Variants in FGD4 observed in about 807,000 individuals in gnomAD.
FGD4 encodes FYVE, RhoGEF and PH domain containing 4.
A neutral mutation model predicts 102.0 loss-of-function variants in FGD4; 42 were observed. The observed-to-expected ratio is 0.41, with a 90% CI of 0.32 to 0.53. FGD4 has a LOEUF of 0.53. Ranked by LOEUF, FGD4 falls within the 20% of genes least tolerant of loss-of-function variation. The pLI is 0.21. For missense variants in FGD4, 902 were observed against 1,078.2 expected, an observed-to-expected ratio of 0.84 and a Z score of 2.29; for synonymous variants, 380 against 375.7, an observed-to-expected ratio of 1.01 and a Z score of -0.13.
rs1408956780 is a variant in FGD4, at chr12:32,564,307, T to G, written c.319+18T>G. On this transcript the variant is annotated intron_variant, in intron 2 of 16. Coordinates refer to ENST00000534526, the MANE Select transcript of FGD4 (RefSeq NM_001370298.3). ...GCCACAAGGTATGCTCACTGGGAGT[T>G]TGTGTTCGGGGTGGGTACGTTGTTG... 6.5e-7 allele frequency: 1 copy of G among 1,534,398 alleles called. No homozygotes were observed. Among genetic ancestry groups the G allele is most frequent in the Non-Finnish European group, 8.7e-7 (1 of 1,146,232 alleles).
chr12:32,448,644 A>G (rs117463094), intron 1 of FGD4, among the ~76,000 whole-genome samples: 5,626 of 150,894 alleles, frequency 0.037, 162 homozygotes, highest in South Asian at 0.12. Context: ...GCAACAAATA[A>G]TGAAACTCCA....
chr12:32,505,481 G>C (rs778707242), intron 1 of FGD4, among the ~76,000 whole-genome samples: 1 of 152,164 alleles, frequency 6.6e-6, no homozygotes, highest in Non-Finnish European at 1.5e-5. Context: ...AGTTGTCATC[G>C]TCTTCTGTTT....
chr12:32,440,009 A>G, intron 1 of FGD4, among the ~76,000 whole-genome samples: 1 of 151,942 alleles, frequency 6.6e-6, no homozygotes, highest in East Asian at 1.9e-4. Flanking sequence ...AATTATTTCA[A>G]TCTCCGTTAA....
At chr12:32,449,737 ATTTCT>A (rs966996073) in intron 1 of FGD4, among the ~76,000 whole-genome samples, 1 of 151,474 alleles carries the variant, frequency 6.6e-6, no homozygotes, top group Non-Finnish European at 1.5e-5. Context: ...TAACTGTTTC[ATTTCT>A]TTTCTTTTCT....
intron 4 of FGD4, among the ~76,000 whole-genome samples, chr12:32,596,324 C>T (rs1328666483): frequency 6.6e-6 from 1 of 152,148 alleles, no homozygotes; most frequent in Non-Finnish European, 1.5e-5. Context: ...GCTACAATAG[C>T]AAGAGCATAT....
chr12:32,471,797 T>C (rs1286939390), intron 1 of FGD4, among the ~76,000 whole-genome samples: 1 of 152,008 alleles, frequency 6.6e-6, no homozygotes, highest in Non-Finnish European at 1.5e-5. Context: ...AGGGAGGCAG[T>C]GGATGCTACC....
intron 7 of FGD4, among the ~76,000 whole-genome samples, chr12:32,606,889 A>G (rs1458605722): frequency 6.6e-6 from 1 of 152,246 alleles, no homozygotes; most frequent in Non-Finnish European, 1.5e-5. Context: ...CTAATGAAAA[A>G]GAATGCTTTG....
At chr12:32,539,569 CA>C (rs200619773) in intron 1 of FGD4, among the ~76,000 whole-genome samples, 12,884 of 132,778 alleles carry the variant, frequency 0.097, 598 homozygotes, top group South Asian at 0.21. Context: ...AACTCTGTCT[CA>C]GGGGGGAAAA....
At chr12:32,572,601 C>A (rs1274806573) in intron 2 of FGD4, among the ~76,000 whole-genome samples, 1 of 152,204 alleles carries the variant, frequency 6.6e-6, no homozygotes, top group Admixed American at 6.5e-5. Context: ...TAAACTGCAT[C>A]CTTAGAATAT....
intron 1 of FGD4, among the ~76,000 whole-genome samples, chr12:32,524,932 G>C (rs963166551): frequency 6.6e-6 from 1 of 152,148 alleles, no homozygotes; most frequent in Non-Finnish European, 1.5e-5. Context: ...TTTAAACAAT[G>C]AGGTGCTGTT....
intron 1 of FGD4, among the ~76,000 whole-genome samples, chr12:32,410,257 G>A (rs1056075380): frequency 6.6e-6 from 1 of 151,954 alleles, no homozygotes; most frequent in Non-Finnish European, 1.5e-5. Context: ...GAACCTGGGA[G>A]GTGGAGCTTG....
chr12:32,424,362 T>G (rs1941755875), intron 1 of FGD4, among the ~76,000 whole-genome samples: 1 of 152,182 alleles, frequency 6.6e-6, no homozygotes, highest in Non-Finnish European at 1.5e-5. Context: ...AGACGATTGT[T>G]TCTAGCTTCA....
intron 1 of FGD4, among the ~76,000 whole-genome samples, chr12:32,540,754 G>A (rs1369088681): frequency 1.3e-5 from 2 of 151,892 alleles, no homozygotes; most frequent in Non-Finnish European, 2.9e-5. Flanking sequence ...TAGTAGAGAT[G>A]GGATTTCTCC....
At chr12:32,401,650 C>T (rs1940666307) in intron 1 of FGD4, among the ~76,000 whole-genome samples, 1 of 151,484 alleles carries the variant, frequency 6.6e-6, no homozygotes, top group South Asian at 2.1e-4. Flanking sequence ...GCCCTTTTAG[C>T]AGTAAGGGTA....
chr12:32,482,059 A>G (rs185458503), intron 1 of FGD4, among the ~76,000 whole-genome samples: 1 of 152,282 alleles, frequency 6.6e-6, no homozygotes, highest in Admixed American at 6.5e-5. Flanking sequence ...AAATTTACAA[A>G]TCAAAGTAAT....
chr12:32,517,777 TTGGGAGGCTAAGG>T (rs1940049531), intron 1 of FGD4, among the ~76,000 whole-genome samples: 1 of 152,056 alleles, frequency 6.6e-6, no homozygotes, highest in South Asian at 2.1e-4. Flanking sequence ...TCCCAGCTAT[TTGGGAGGCTAAGG>T]TGGGAGGATT....
chr12:32,633,626 C>T lies in FGD4; in HGVS notation c.2250C>T (p.Asp750=). 1 of 1,612,758 alleles carries T rather than the reference C, an allele frequency of 6.2e-7. No individual in the cohort carries two copies. Among genetic ancestry groups the T allele is most frequent in the Non-Finnish European group, 8.5e-7 (1 of 1,178,888 alleles). ...GTAAATTGAGCAAAGTTTGTAAAGA[C>T]TGTTATCAAATCATAAGTGGATTCA... ...DGGKLSKVCK[D]CYQIISGFTD... Residue 750 remains aspartate, a synonymous_variant, in exon 15 of 17, where the codon GAC becomes GAT. Transcript: ENST00000534526.
chr12:32,418,862 A>T (rs1485635254), intron 1 of FGD4, among the ~76,000 whole-genome samples: 1 of 152,196 alleles, frequency 6.6e-6, no homozygotes, highest in Admixed American at 6.5e-5. Flanking sequence ...CAGGGATTGA[A>T]GTCAAAACCT....
At chr12:32,560,579 A>G (rs1451977201) in intron 1 of FGD4, among the ~76,000 whole-genome samples, 1 of 152,130 alleles carries the variant, frequency 6.6e-6, no homozygotes, top group South Asian at 2.1e-4. Context: ...ATAATCTGTC[A>G]ATCTTTCATT....
Sources: gnomAD v4.1 joint callset for allele counts (sites outside exome capture counted in the v4.1 genomes callset) on GRCh38, gnomAD v4.1.1 for gene constraint, MANE v1.5 for transcripts, NCBI Gene and HGNC (gene_info 2026-07-23, HGNC 2026-07-21) for gene names.